Variants in NLGN1 observed in about 807,000 individuals in gnomAD.
NLGN1 encodes neuroligin-1.
In NLGN1, 12 loss-of-function variants were observed where a neutral mutation model predicts 65.5. The ratio of observed to expected loss-of-function variants is 0.18; its 90% CI spans 0.12 to 0.30. NLGN1 has a LOEUF of 0.30. Among genes scored for constraint, NLGN1 ranks in the 10% least tolerant of loss-of-function variants. The pLI is 1.00. For missense variants in NLGN1, 750 were observed against 1,007.1 expected (o/e 0.74, Z 3.46); for synonymous variants, 350 against 359.5 (o/e 0.97, Z 0.30).
intron 3 of NLGN1, among the ~76,000 whole-genome samples, chr3:173,741,817 T>C (rs1774692759): frequency 6.6e-6 from 1 of 152,042 alleles, no homozygotes; most frequent in Non-Finnish European, 1.5e-5. Flanking sequence ...TTCTGACTCA[T>C]GGAAACATAA....
chr3:173,611,087 A>C (rs1433615262), intron 3 of NLGN1, among the ~76,000 whole-genome samples: 4 of 152,014 alleles, frequency 2.6e-5, no homozygotes, highest in African/African-American at 9.7e-5. Flanking sequence ...TGCTATGCAC[A>C]GTACATGAGT....
At chr3:174,217,252 G>T (rs890145650) in intron 4 of NLGN1, among the ~76,000 whole-genome samples, 1 of 152,014 alleles carries the variant, frequency 6.6e-6, no homozygotes, top group African/African-American at 2.4e-5. Flanking sequence ...ATGCTGCATT[G>T]TCATGCTACA....
chr3:173,953,914 A>G (rs1473344505), intron 4 of NLGN1, among the ~76,000 whole-genome samples: 2 of 152,140 alleles, frequency 1.3e-5, no homozygotes, highest in African/African-American at 2.4e-5. Context: ...AAGTATTCCA[A>G]TTATGAGAAA....
At chr3:174,102,586 A>G (rs527594389) in intron 4 of NLGN1, among the ~76,000 whole-genome samples, 2 of 152,306 alleles carry the variant, frequency 1.3e-5, no homozygotes, top group African/African-American at 2.4e-5. Flanking sequence ...GACGATAGGA[A>G]TAAAAACTCT....
At position 173,573,551 on chromosome 3, in the gene NLGN1, A is replaced by G. The variant is rs1744989996; in HGVS notation, c.-320-30728A>G. ...ATAATCATTTATAATATAATTATGT[A>G]TATTGTATGTATGTTGAAACAAGGG... On this transcript the variant is annotated intron_variant, in intron 2 of 6. Coordinates refer to ENST00000457714, the Ensembl canonical transcript of NLGN1. Among the ~76,000 whole-genome samples, 3 of 149,326 alleles carry G rather than the reference A, an allele frequency of 2.0e-5. No homozygotes were observed. The South Asian group carries it at 6.3e-4, about 31-fold the overall frequency.
intron 3 of NLGN1, among the ~76,000 whole-genome samples, chr3:173,795,137 C>G (rs1202059016): frequency 3.3e-5 from 5 of 151,982 alleles, no homozygotes; most frequent in Non-Finnish European, 7.4e-5. Flanking sequence ...TACATAGGAG[C>G]CATTAGCCTA....
At chr3:174,282,447 A>G (rs1199347094) in exon 7 of NLGN1, 2 of 152,222 alleles carry the variant, frequency 1.3e-5, no homozygotes, top group Non-Finnish European at 2.9e-5. Context: ...AATTCATTAT[A>G]AAGTTATATC....
chr3:173,994,465 CAAAA>C (rs1170577220), intron 4 of NLGN1, among the ~76,000 whole-genome samples: 242 of 32,898 alleles, frequency 7.4e-3, no homozygotes, highest in African/African-American at 0.027. Flanking sequence ...TTGAGAAAAG[CAAAA>C]AAAAAAAAAA....
At chr3:173,594,319 C>T (rs1003112728) in intron 2 of NLGN1, among the ~76,000 whole-genome samples, 4 of 152,090 alleles carry the variant, frequency 2.6e-5, no homozygotes, top group Admixed American at 2.6e-4. Flanking sequence ...AGAAATTGGC[C>T]AAAACAGAGG....
intron 4 of NLGN1, among the ~76,000 whole-genome samples, chr3:174,144,115 T>C (rs1478437715): frequency 6.6e-6 from 1 of 152,132 alleles, no homozygotes; most frequent in Non-Finnish European, 1.5e-5. Context: ...CCTCCCTGTG[T>C]CCATGTGTTC....
At chr3:174,252,462 A>G (rs1744959910) in intron 4 of NLGN1, among the ~76,000 whole-genome samples, 1 of 152,176 alleles carries the variant, frequency 6.6e-6, no homozygotes, top group East Asian at 1.9e-4. Flanking sequence ...AACATACACA[A>G]TATAGTGAGT....
intron 4 of NLGN1, among the ~76,000 whole-genome samples, chr3:174,154,975 A>T (rs1220456122): frequency 7.2e-6 from 1 of 138,166 alleles, no homozygotes; most frequent in Non-Finnish European, 1.5e-5. Flanking sequence ...ATTATATATA[A>T]TATATTATAT....
chr3:173,964,157 C>T (rs1022395594), intron 4 of NLGN1, among the ~76,000 whole-genome samples: 3 of 152,014 alleles, frequency 2.0e-5, no homozygotes, highest in Non-Finnish European at 2.9e-5. Flanking sequence ...AAGATTGAGA[C>T]GTAGGGCAGA....
At chr3:173,650,750 C>T (rs1212102339) in intron 3 of NLGN1, among the ~76,000 whole-genome samples, 1 of 152,114 alleles carries the variant, frequency 6.6e-6, no homozygotes, top group Non-Finnish European at 1.5e-5. Context: ...GCTACCTTTA[C>T]TATACACGAA....
chr3:174,251,993 A>C (rs1355400045), intron 4 of NLGN1, among the ~76,000 whole-genome samples: 2 of 152,208 alleles, frequency 1.3e-5, no homozygotes, highest in Non-Finnish European at 2.9e-5. Context: ...TTAGTTTATA[A>C]CAAAACCTTT....
At chr3:173,471,977 C>T (rs1433406030) in intron 2 of NLGN1, among the ~76,000 whole-genome samples, 1 of 151,984 alleles carries the variant, frequency 6.6e-6, no homozygotes, top group African/African-American at 2.4e-5. Flanking sequence ...TCTAGAAATT[C>T]AAATCTGATT....
chr3:173,418,273 T>G (rs1714210583), intron 1 of NLGN1, among the ~76,000 whole-genome samples: 1 of 151,726 alleles, frequency 6.6e-6, no homozygotes, highest in Non-Finnish European at 1.5e-5. Flanking sequence ...ATTTAACAAT[T>G]TATTGCTTGA....
At chr3:174,232,399 A>G (rs1013869802) in intron 4 of NLGN1, among the ~76,000 whole-genome samples, 4 of 152,196 alleles carry the variant, frequency 2.6e-5, no homozygotes, top group African/African-American at 9.7e-5. Context: ...TGCAGGTCAC[A>G]GGGGATATGA....
intron 4 of NLGN1, among the ~76,000 whole-genome samples, chr3:174,183,914 A>T (rs1277654179): frequency 6.6e-6 from 1 of 152,196 alleles, no homozygotes; most frequent in Admixed American, 6.6e-5. Flanking sequence ...CTATTTACAG[A>T]TGGCATGGCT....
Sources: gnomAD v4.1 joint callset for allele counts (sites outside exome capture counted in the v4.1 genomes callset) on GRCh38, gnomAD v4.1.1 for gene constraint, MANE v1.5 for transcripts, NCBI Gene and HGNC (gene_info 2026-07-23, HGNC 2026-07-21) for gene names.